The following LAMA3 variants were observed in gnomAD, a reference collection of about 807,000 sequenced individuals.
The protein encoded by LAMA3 is laminin subunit alpha-3.
LAMA3 carries 281 observed loss-of-function variants against 402.0 expected under a neutral mutation model. The ratio of observed to expected loss-of-function variants is 0.70; its 90% confidence interval spans 0.63 to 0.77. The LOEUF (loss-of-function observed/expected upper bound fraction) is 0.77, where lower values mean the gene tolerates loss of function less well. Ranked by LOEUF, LAMA3 falls within the 30% of genes least tolerant of loss-of-function variation. The pLI, the probability that LAMA3 is intolerant of heterozygous loss-of-function variation, is 0.00. For synonymous variants in LAMA3, 1,431 were observed against 1,558.4 expected (o/e 0.92, Z 1.93); for missense variants, 3,840 against 4,215.5 (o/e 0.91, Z 2.47).
At chr18:23,721,867 GA>G (rs948685927) in intron 2 of LAMA3, among the ~76,000 whole-genome samples, 11 of 152,200 alleles carry the variant, frequency 7.2e-5, no homozygotes, top group African/African-American at 2.7e-4. Context: ...GGTGAGCTGA[GA>G]AAGATTAGAA....
At chr18:23,850,739 C>T (rs1431050130) in intron 32 of LAMA3, among the ~76,000 whole-genome samples, 6 of 152,164 alleles carry the variant, frequency 3.9e-5, no homozygotes, top group African/African-American at 2.4e-5. Flanking sequence ...GCATCTGCTC[C>T]TAGTAATGGA....
chr18:23,951,922 C>G (rs2082930195), intron 73 of LAMA3, 145 bp downstream of exon 73: 1 of 686,422 alleles, frequency 1.5e-6, no homozygotes, highest in African/African-American at 1.8e-5. Flanking sequence ...CCATTCACAA[C>G]CCCAGCCATG....
intron 20 of LAMA3, 63 bp from the exon 21 acceptor site, chr18:23,824,360 A>G: frequency 5.8e-6 from 9 of 1,549,800 alleles, no homozygotes; most frequent in Non-Finnish European, 8.0e-6. Context: ...AAAACTGAAT[A>G]TCTAAAATCA....
At chr18:23,834,135 C>G in intron 24 of LAMA3, 147 bp downstream of exon 24, 1 of 880,822 alleles carries the variant, frequency 1.1e-6, no homozygotes, top group South Asian at 1.4e-5. Flanking sequence ...TGTGGCCCAA[C>G]GTCATCACCA....
At position 23,894,813 on chromosome 18, in the gene LAMA3, G is replaced by A. The variant is rs539834138; in HGVS notation, c.5462-94G>A. 9.9e-6 allele frequency: 15 copies of A among 1,510,532 alleles called. No homozygotes were observed. The African/African-American group carries it at 1.2e-4, about 12-fold the overall frequency. The allele number at this position is 1,510,532 out of a possible 1,614,324, so 93.6% of individuals were successfully genotyped here. On this transcript the variant is annotated intron_variant, in intron 43 of 74. Coordinates refer to ENST00000313654, the MANE Select transcript of LAMA3 (RefSeq NM_198129.4). Reference sequence around the variant, plus strand: ...GTGGTTGTCACCCGTGACGATCTGCGTGCATGCCAACTGGGCTGCATAGCA... The same window carrying A: ...GTGGTTGTCACCCGTGACGATCTGCATGCATGCCAACTGGGCTGCATAGCA...
intron 2 of LAMA3, among the ~76,000 whole-genome samples, chr18:23,727,656 T>A (rs2061322669): frequency 6.6e-6 from 1 of 151,960 alleles, no homozygotes; most frequent in Non-Finnish European, 1.5e-5. Context: ...TAACAAACAG[T>A]TCCTGGACCA....
intron 2 of LAMA3, among the ~76,000 whole-genome samples, chr18:23,740,295 G>A (rs889621944): frequency 2.6e-5 from 4 of 152,118 alleles, no homozygotes; most frequent in African/African-American, 4.8e-5. Context: ...AGACCACTAG[G>A]ACTGAAAATT....
At chr18:23,751,121 A>G (rs1433466180) in intron 5 of LAMA3, 33 bp downstream of exon 5, 41 of 1,612,076 alleles carry the variant, frequency 2.5e-5, no homozygotes, top group Non-Finnish European at 3.3e-5. Context: ...TTGTTACTTT[A>G]TTTATTCATT....
chr18:23,830,940 C>T (rs749376422), intron 23 of LAMA3, among the ~76,000 whole-genome samples: 21 of 152,168 alleles, frequency 1.4e-4, no homozygotes, highest in Admixed American at 2.0e-4. Flanking sequence ...AACTCCATTT[C>T]GGTATTCCCT....
rs2063152448 is a variant in LAMA3 at position 23,815,224 on chromosome 18, C to T, written c.1925C>T (p.Thr642Ile). The T allele has an allele frequency of 6.2e-7, 1 of 1,614,010 alleles. No individual in the cohort carries two copies. Among genetic ancestry groups the T allele is most frequent in the Non-Finnish European group, 8.5e-7 (1 of 1,179,994 alleles). ...CATAAGGCGGGAACAGTGAGTGGAA[C>T]TGGAGAGTGTAGGCAGGTAAAGTGG... The part of the protein sequence containing the change: ...KCHKAGTVSG[T>I]GECRQGDGDC... The change falls in exon 16 of 75, where the codon ACT (threonine) becomes ATT (isoleucine). Residue 642 changes from threonine to isoleucine, a missense_variant. Thr to Ile is a moderately conservative substitution (Grantham distance 89). This residue lies in a region of LAMA3 where 2,109 missense variants were observed against 2,376.0 expected (regional missense o/e 0.89). Transcript: ENST00000313654.
At chr18:23,745,828 G>A (rs534676314) in intron 2 of LAMA3, among the ~76,000 whole-genome samples, 7 of 152,298 alleles carry the variant, frequency 4.6e-5, no homozygotes, top group East Asian at 1.9e-4. Flanking sequence ...GGAGTTTGGT[G>A]GAAGGGATTA....
intron 1 of LAMA3, chr18:23,709,895 T>C (rs1192375995): frequency 2.7e-6 from 2 of 736,636 alleles, no homozygotes; most frequent in East Asian, 5.7e-5. Context: ...CCTTCTTCTC[T>C]CCATCAGGCC....
intron 66 of LAMA3, among the ~76,000 whole-genome samples, chr18:23,933,017 G>A (rs144658718): frequency 5.9e-4 from 90 of 152,276 alleles, no homozygotes; most frequent in African/African-American, 2.1e-3. Flanking sequence ...AAGGCCCAGG[G>A]GTTGTTAGCA....
intron 2 of LAMA3, among the ~76,000 whole-genome samples, chr18:23,714,350 T>C (rs2061055397): frequency 6.6e-6 from 1 of 152,074 alleles, no homozygotes; most frequent in Non-Finnish European, 1.5e-5. Flanking sequence ...TGAAACCCCA[T>C]CTCTACTACA....
Position 23,847,000 on chromosome 18 carries a change from C to G in LAMA3, c.3932-464C>G, listed in dbSNP as rs369448106. 3.5e-4 allele frequency among the ~76,000 whole-genome samples: 53 copies of G among 152,360 alleles called. 2 individuals carry two copies. The South Asian group carries it at 9.3e-3, about 27-fold the overall frequency. On this transcript the variant is annotated intron_variant, in intron 31 of 74. Coordinates refer to ENST00000313654, the MANE Select transcript of LAMA3 (RefSeq NM_198129.4). Reference sequence around the variant, plus strand: ...TGGTCCGAGGGGTAGGGTAAGCTCACTTCACGTGACTGCAGTGAGAAATGC... The same window carrying G: ...TGGTCCGAGGGGTAGGGTAAGCTCAGTTCACGTGACTGCAGTGAGAAATGC...
Position 23,847,789 on chromosome 18 carries a change from G to T in LAMA3, c.4136+121G>T, listed in dbSNP as rs542161286. 7.1e-5 allele frequency: 69 copies of T among 974,820 alleles called. No individual in the cohort carries two copies. The East Asian group carries it at 1.8e-3, about 26-fold the overall frequency. The allele number at this position is 974,820 out of a possible 1,614,324, so 60.4% of individuals were successfully genotyped here. On this transcript the variant is annotated intron_variant, in intron 32 of 74. Transcript: ENST00000313654. ...TCCAGGGGTGCCCTGTGTTGACCTC[G>T]GCATGAGCTTCCCAGACAGGATGGG... is the stretch of plus-strand genomic sequence containing the variant.
At chr18:23,861,596 G>A in intron 34 of LAMA3, 50 bp from the exon 35 acceptor site, 1 of 1,609,250 alleles carries the variant, frequency 6.2e-7, no homozygotes, top group Non-Finnish European at 8.5e-7. Context: ...TCACCCCAGG[G>A]ATGCCACGAC....
chr18:23,847,878 T>A (rs1432961128), intron 32 of LAMA3, among the ~76,000 whole-genome samples: 1 of 152,214 alleles, frequency 6.6e-6, no homozygotes, highest in Non-Finnish European at 1.5e-5. Context: ...GTGGACAGAT[T>A]ACCAGTCATC....
chr18:23,845,971 C>T (rs934473937), intron 30 of LAMA3, among the ~76,000 whole-genome samples: 7 of 152,164 alleles, frequency 4.6e-5, no homozygotes, highest in African/African-American at 1.2e-4. Flanking sequence ...ACACATAGGT[C>T]GACTTTTTTG....
Sources: allele counts gnomAD v4.1 joint callset (sites outside exome capture counted in the v4.1 genomes callset), GRCh38; gene constraint gnomAD v4.1.1; regional missense constraint gnomAD v4.1.1; transcripts MANE v1.5; gene names NCBI Gene and HGNC (gene_info 2026-07-23, HGNC 2026-07-21).